SYTL2: variants seen among roughly 807,000 people sequenced by gnomAD.
SYTL2 encodes the protein synaptotagmin-like protein 2.
SYTL2 carries 165 observed loss-of-function variants against 198.7 expected under a neutral mutation model. The observed-to-expected ratio is 0.83, with a 90% CI of 0.73 to 0.94. SYTL2 has a LOEUF of 0.94. Among genes scored for constraint, SYTL2 ranks in the 40% least tolerant of loss-of-function variants. The pLI, the probability that SYTL2 is intolerant of heterozygous loss-of-function variation, is 0.00. For synonymous variants in SYTL2, 966 were observed against 917.7 expected, an observed-to-expected ratio of 1.05 and a Z score of -0.95; for missense variants, 2,835 against 2,582.8, an observed-to-expected ratio of 1.10 and a Z score of -2.12.
At chr11:85,837,273 G>C in the SYTL2 span, among the ~76,000 whole-genome samples, 1 of 152,206 alleles carries the variant, frequency 6.6e-6, no homozygotes, top group Non-Finnish European at 1.5e-5. Context: ...AGGTAATGAA[G>C]GGTATAAGAG....
intron 4 of SYTL2, among the ~76,000 whole-genome samples, chr11:85,741,519 A>G (rs1320012084): frequency 6.6e-6 from 1 of 152,200 alleles, no homozygotes; most frequent in Non-Finnish European, 1.5e-5. Flanking sequence ...ATTAAGAATT[A>G]TTATTTTAAG....
chr11:85,807,674 T>G (rs1195792405), intron 1 of SYTL2, among the ~76,000 whole-genome samples: 1 of 152,196 alleles, frequency 6.6e-6, no homozygotes, highest in East Asian at 1.9e-4. Flanking sequence ...TGCTCAAATT[T>G]TGCACATCAG....
intron 1 of SYTL2, among the ~76,000 whole-genome samples, chr11:85,766,100 C>T (rs994042843): frequency 5.3e-5 from 8 of 152,008 alleles, no homozygotes; most frequent in Admixed American, 2.6e-4. Flanking sequence ...TGGGCAAGAG[C>T]GCTGGACCCT....
At chr11:85,767,438 G>A (rs983078540) in intron 1 of SYTL2, among the ~76,000 whole-genome samples, 5 of 152,128 alleles carry the variant, frequency 3.3e-5, no homozygotes, top group African/African-American at 1.2e-4. Flanking sequence ...TATTTTCTAG[G>A]TTTCAAATTC....
intron 4 of SYTL2, among the ~76,000 whole-genome samples, chr11:85,739,400 T>C (rs868083995): frequency 1.1e-4 from 17 of 151,882 alleles, no homozygotes; most frequent in African/African-American, 3.1e-4. Context: ...AGTCAGACAC[T>C]AAAATATTAG....
intron 1 of SYTL2, among the ~76,000 whole-genome samples, chr11:85,764,246 C>T (rs1362217574): frequency 6.6e-6 from 1 of 152,192 alleles, no homozygotes; most frequent in South Asian, 2.1e-4. Context: ...TCAACTGTTC[C>T]TCACATGTTG....
intron 4 of SYTL2, among the ~76,000 whole-genome samples, chr11:85,745,181 G>A (rs1398478546): frequency 6.6e-6 from 1 of 152,134 alleles, no homozygotes; most frequent in African/African-American, 2.4e-5. Context: ...TAGTCAAATG[G>A]CTAATAAATC....
the SYTL2 span, among the ~76,000 whole-genome samples, chr11:85,823,404 A>G: frequency 1.1e-4 from 17 of 152,362 alleles, no homozygotes; most frequent in East Asian, 3.1e-3. Flanking sequence ...GCCAGCTTGC[A>G]CAGTCTTCAG....
intron 1 of SYTL2, among the ~76,000 whole-genome samples, chr11:85,772,246 G>T (rs1018940449): frequency 6.6e-6 from 1 of 152,146 alleles, no homozygotes; most frequent in African/African-American, 2.4e-5. Context: ...CATAAATTTG[G>T]TTAAGAAGAA....
At chr11:85,848,624 T>C in the SYTL2 span, among the ~76,000 whole-genome samples, 7 of 152,102 alleles carry the variant, frequency 4.6e-5, no homozygotes, top group Non-Finnish European at 7.4e-5. Flanking sequence ...GTATGTTTCT[T>C]GATTTTTTGT....
chr11:85,775,383 G>A (rs1357556708), intron 1 of SYTL2, among the ~76,000 whole-genome samples: 1 of 152,176 alleles, frequency 6.6e-6, no homozygotes, highest in Non-Finnish European at 1.5e-5. Context: ...TTTGTACAAT[G>A]TTGGGGGTTT....
chr11:85,809,537 G>A (rs79753303), intron 1 of SYTL2, among the ~76,000 whole-genome samples: 19,364 of 152,212 alleles, frequency 0.13, 1,587 homozygotes, highest in Non-Finnish European at 0.16. Flanking sequence ...CACAAAGACA[G>A]TGTAAAGAAC....
At chr11:85,707,920 A>T (rs1186744608) in intron 14 of SYTL2, 2 of 220,458 alleles carry the variant, frequency 9.1e-6, no homozygotes, top group East Asian at 1.6e-4. Flanking sequence ...GACCAGCCTG[A>T]CCAACATGGA....
chr11:85,744,726 A>G (rs771550276), intron 4 of SYTL2, among the ~76,000 whole-genome samples: 7 of 152,184 alleles, frequency 4.6e-5, no homozygotes, highest in Non-Finnish European at 7.3e-5. Context: ...AAATTCATCA[A>G]CTTCATCCCA....
intron 1 of SYTL2, among the ~76,000 whole-genome samples, chr11:85,776,835 T>A (rs1324868270): frequency 1.3e-5 from 2 of 152,198 alleles, no homozygotes; most frequent in African/African-American, 2.4e-5. Flanking sequence ...AAACCTTTTT[T>A]AAAAAATAAA....
Position 85,736,596 on chromosome 11 carries a change from T to A in SYTL2, c.491A>T (p.Asn164Ile), listed in dbSNP as rs753301474. ...GTGACCTTCTGGCAACTTGGAGCTA[T>A]TAAACGGATTCTTCCTCTGCTGGGG... ...SPEKQRKNPFNSSKLPEGHSS... is the reference protein window; with the variant it reads ...SPEKQRKNPFISSKLPEGHSS... The change falls in exon 6 of 20, where the codon AAT (asparagine) becomes ATT (isoleucine). Residue 164 changes from asparagine to isoleucine, a missense_variant. Physicochemically the swap from Asn to Ile is moderately radical, Grantham distance 149 (BLOSUM62 -3). Around this residue, in one of 3 missense-constraint regions of SYTL2, gnomAD observed 2,645 missense variants for 2,381.7 expected, o/e 1.11. Coordinates refer to ENST00000359152, the MANE Select transcript of SYTL2 (RefSeq NM_206927.4). The A allele has an allele frequency of 6.3e-7, 1 of 1,590,046 alleles. No individual in the cohort carries two copies. The highest frequency in any genetic ancestry group is 2.2e-5 in the East Asian group (1 of 44,646).
At chr11:85,852,943 G>A in the SYTL2 span, 27 of 307,344 alleles carry the variant, frequency 8.8e-5, 1 homozygote, top group South Asian at 1.9e-4. Context: ...GTCTCTACCC[G>A]GCCGCCCCGT....
intron 4 of SYTL2, among the ~76,000 whole-genome samples, chr11:85,744,397 T>A (rs187672584): frequency 4.9e-4 from 75 of 152,240 alleles, no homozygotes; most frequent in African/African-American, 1.8e-3. Flanking sequence ...AGGTGTTTTA[T>A]CCCCAGCAAA....
At chr11:85,773,297 T>A (rs2092392705) in intron 1 of SYTL2, among the ~76,000 whole-genome samples, 1 of 152,232 alleles carries the variant, frequency 6.6e-6, no homozygotes, top group Non-Finnish European at 1.5e-5. Flanking sequence ...ATCTACACCC[T>A]GACTTCCTTT....
Sources: allele counts gnomAD v4.1 joint callset (sites outside exome capture counted in the v4.1 genomes callset), GRCh38; gene constraint gnomAD v4.1.1; regional missense constraint gnomAD v4.1.1; transcripts MANE v1.5; gene names NCBI Gene and HGNC (gene_info 2026-07-23, HGNC 2026-07-21).